The following CMTM4 variants were observed in gnomAD, a reference collection of about 807,000 sequenced individuals.
The protein encoded by CMTM4 is CKLF-like MARVEL transmembrane domain-containing protein 4.
A neutral mutation model predicts 19.0 loss-of-function variants in CMTM4; 8 were observed. The observed-to-expected ratio is 0.42, with a 90% CI of 0.25 to 0.76. The LOEUF is 0.76. Ranked by LOEUF, CMTM4 falls within the 30% of genes least tolerant of loss-of-function variation. The pLI is 0.27. For synonymous variants in CMTM4, 106 were observed against 121.1 expected (o/e 0.88, Z 0.82); for missense variants, 228 against 290.2 (o/e 0.79, Z 1.56).
chr16:66,608,460 T>C, the CMTM4 span: 4 of 1,613,736 alleles, frequency 2.5e-6, no homozygotes, highest in African/African-American at 2.7e-5. The surrounding 1 kb of genome is among the most constrained non-coding windows in gnomAD (Gnocchi z 5.1). Context: ...TGCTGGCCCA[T>C]GATGGTGAGG....
intron 1 of CMTM4, among the ~76,000 whole-genome samples, chr16:66,679,423 A>C (rs1183094495): frequency 6.6e-6 from 1 of 152,126 alleles, no homozygotes; most frequent in Non-Finnish European, 1.5e-5. Context: ...TGACTCTGAG[A>C]GATGTGACCC....
chr16:66,600,136 GTTTTTTTT>G, the CMTM4 span, among the ~76,000 whole-genome samples: 12 of 135,160 alleles, frequency 8.9e-5, no homozygotes, highest in African/African-American at 2.0e-4. Flanking sequence ...GTGTGTGTGT[GTTTTTTTT>G]TGTTTTTTTT....
rs1466468700 is a variant in CMTM4 at position 66,620,024 on chromosome 16, C to T, written c.*2034G>A. On this transcript the variant is annotated 3_prime_UTR_variant, in exon 4 of 4. Transcript: ENST00000394106. The stretch of plus-strand genomic sequence containing the variant: ...TTCACCAGATGATCAAGTGGTTTTA[C>T]TGAAGTGAGCTGGGAAAACTTGGGC... 17 of 985,354 alleles carry T rather than the reference C, an allele frequency of 1.7e-5. No homozygotes were observed. In the South Asian group the frequency reaches 3.3e-4, roughly 19 times the overall value. 61.0% of individuals were successfully genotyped at this position (985,354 alleles called of 1,614,324 possible). A position where few individuals can be genotyped will look rare whatever the true frequency, so the allele number is the denominator to read the frequency against.
chr16:66,625,977 C>T (rs2015730737), intron 2 of CMTM4, among the ~76,000 whole-genome samples: 1 of 152,222 alleles, frequency 6.6e-6, no homozygotes, highest in Non-Finnish European at 1.5e-5. Context: ...GTCAGAGCAG[C>T]TGCTATAGCA....
the CMTM4 span, among the ~76,000 whole-genome samples, chr16:66,608,923 A>G: frequency 6.6e-6 from 1 of 152,088 alleles, no homozygotes; most frequent in African/African-American, 2.4e-5. This position sits in a 1 kb window ranked among gnomAD's most constrained non-coding sequence, Gnocchi z 5.1. Flanking sequence ...TCCTAGAGAA[A>G]GGGCAGCAAA....
chr16:66,688,716 T>C (rs1724413908), intron 1 of CMTM4, among the ~76,000 whole-genome samples: 2 of 152,210 alleles, frequency 1.3e-5, no homozygotes, highest in Admixed American at 6.5e-5. Flanking sequence ...ATTAAACCTA[T>C]AGATCATTTG....
intron 1 of CMTM4, among the ~76,000 whole-genome samples, chr16:66,646,761 C>T (rs1197435667): frequency 4.7e-5 from 7 of 150,054 alleles, no homozygotes; most frequent in Non-Finnish European, 1.0e-4. Context: ...GGCTGAAGTG[C>T]AATGGTGCGA....
Position 66,622,309 on chromosome 16 carries a change from T to C in CMTM4, c.463-87A>G, listed in dbSNP as rs2015655301. ...GGTGACCCAAGCCACATGCAGCCCC[T>C]TCCTGCTCTGCCAGCTGATCATTAC... On this transcript the variant is annotated intron_variant, in intron 3 of 3. Coordinates refer to ENST00000394106, the MANE Select transcript of CMTM4 (RefSeq NM_181521.3). This position sits in a 1 kb window ranked among gnomAD's most constrained non-coding sequence, Gnocchi z 4.0. The C allele has an allele frequency of 1.4e-6, 2 of 1,433,080 alleles. No homozygotes were observed. The highest frequency in any genetic ancestry group is 1.4e-5 in the African/African-American group (1 of 71,814). 88.8% of individuals were successfully genotyped at this position (1,433,080 alleles called of 1,614,324 possible).
At position 66,690,588 on chromosome 16, in the gene CMTM4, C is replaced by T. The variant is rs190593691; in HGVS notation, c.186+5752G>A. Reference sequence around the variant, plus strand: ...ACTGGCTTGAGATTTAAAAAACTAACAAGGTTTCCACCAAATAAAAGAGAT... The same window carrying T: ...ACTGGCTTGAGATTTAAAAAACTAATAAGGTTTCCACCAAATAAAAGAGAT... On this transcript the variant is annotated intron_variant, in intron 1 of 3. Coordinates refer to ENST00000394106, the MANE Select transcript of CMTM4 (RefSeq NM_181521.3). Among the ~76,000 whole-genome samples, 447 of 152,238 alleles carry T rather than the reference C, an allele frequency of 2.9e-3. 1 individual carries two copies. Among genetic ancestry groups the T allele is most frequent in the Non-Finnish European group, 5.2e-3 (351 of 68,000 alleles).
At position 66,616,281 on chromosome 16, in the gene CMTM4, A is replaced by C. The variant is rs1417436881; in HGVS notation, c.*5777T>G. Reference sequence around the variant, plus strand: ...CCTTAAAATATACAAAGAATTGCCTACTTTGAAAAAAAAATAGTCATACTT... The same window carrying C: ...CCTTAAAATATACAAAGAATTGCCTCCTTTGAAAAAAAAATAGTCATACTT... On this transcript the variant is annotated 3_prime_UTR_variant, in exon 4 of 4. Coordinates refer to ENST00000394106, the MANE Select transcript of CMTM4 (RefSeq NM_181521.3). 1 of 152,218 alleles carries C rather than the reference A, an allele frequency of 6.6e-6. No individual in the cohort carries two copies. Among genetic ancestry groups the C allele is most frequent in the Non-Finnish European group, 1.5e-5 (1 of 68,038 alleles). 9.4% of individuals were successfully genotyped at this position (152,218 alleles called of 1,614,324 possible).
At chr16:66,609,680 A>T in the CMTM4 span, 1 of 1,538,584 alleles carries the variant, frequency 6.5e-7, no homozygotes. This position sits in a 1 kb window ranked among gnomAD's most constrained non-coding sequence, Gnocchi z 4.4. Flanking sequence ...CTCATTAAAG[A>T]CTGACTCTAC....
intron 1 of CMTM4, among the ~76,000 whole-genome samples, chr16:66,689,045 T>C (rs1467696445): frequency 6.6e-6 from 1 of 152,210 alleles, no homozygotes; most frequent in Non-Finnish European, 1.5e-5. Context: ...TTTTTATAGA[T>C]TCCCATGTGA....
In CMTM4 at chr16:66,619,752, G is replaced by A. The variant is rs1174437778; in HGVS notation, c.*2306C>T. On this transcript the variant is annotated 3_prime_UTR_variant, in exon 4 of 4. Coordinates refer to ENST00000394106, the MANE Select transcript of CMTM4 (RefSeq NM_181521.3). Reference sequence around the variant, plus strand: ...AGCACCACTTCCGGTTCTAGTGGGAGTTAATTAAATACAAGGAGAACATTT... The same window carrying A: ...AGCACCACTTCCGGTTCTAGTGGGAATTAATTAAATACAAGGAGAACATTT... 19 of 985,234 alleles carry A rather than the reference G, an allele frequency of 1.9e-5. No individual in the cohort carries two copies. Among genetic ancestry groups the A allele is most frequent in the Non-Finnish European group, 2.2e-5 (18 of 829,892 alleles). The allele number at this position is 985,234 out of a possible 1,614,324, so 61.0% of individuals were successfully genotyped here. A position where few individuals can be genotyped will look rare whatever the true frequency, so the allele number is the denominator to read the frequency against.
intron 1 of CMTM4, among the ~76,000 whole-genome samples, chr16:66,644,406 C>G (rs1469231042): frequency 6.6e-6 from 1 of 152,168 alleles, no homozygotes; most frequent in Non-Finnish European, 1.5e-5. Flanking sequence ...ACTGATCATA[C>G]TGAAGTTCAA....
chr16:66,617,546 T>C lies in CMTM4; in HGVS notation c.*4512A>G, dbSNP rs983229613. On this transcript the variant is annotated 3_prime_UTR_variant, in exon 4 of 4. Transcript: ENST00000394106. ...ATTCACTTTCGGAAGAAAATTTTTCTAGACCTAACAGATATTGACGGTATT... is the reference window on the plus strand; with the variant it reads ...ATTCACTTTCGGAAGAAAATTTTTCCAGACCTAACAGATATTGACGGTATT... The C allele has an allele frequency of 6.6e-6, 9 of 1,369,066 alleles. No homozygotes were observed. The African/African-American group carries it at 1.0e-4, about 16-fold the overall frequency. The allele number at this position is 1,369,066 out of a possible 1,614,324, so 84.8% of individuals were successfully genotyped here. A position where few individuals can be genotyped will look rare whatever the true frequency, so the allele number is the denominator to read the frequency against.
chr16:66,606,735 G>A, the CMTM4 span, among the ~76,000 whole-genome samples: 1 of 152,226 alleles, frequency 6.6e-6, no homozygotes, highest in Non-Finnish European at 1.5e-5. Flanking sequence ...GCTCATGCCT[G>A]TAATCCCAAC....
At chr16:66,649,627 A>G (rs2016274341) in intron 1 of CMTM4, among the ~76,000 whole-genome samples, 1 of 152,112 alleles carries the variant, frequency 6.6e-6, no homozygotes, top group Admixed American at 6.6e-5. Flanking sequence ...GGGAGCAGGT[A>G]TGGTCCGTCC....
Position 66,619,292 on chromosome 16 carries a change from A to G in CMTM4, c.*2766T>C, listed in dbSNP as rs771861909. On this transcript the variant is annotated 3_prime_UTR_variant, in exon 4 of 4. Transcript: ENST00000394106. Reference sequence around the variant, plus strand: ...TTTCTCTGAGGACATCAGTGTTTGCATCCATCTAAAACCACCAGAGGTTCC... The same window carrying G: ...TTTCTCTGAGGACATCAGTGTTTGCGTCCATCTAAAACCACCAGAGGTTCC... 3 of 985,490 alleles carry G rather than the reference A, an allele frequency of 3.0e-6. No individual in the cohort carries two copies. Among genetic ancestry groups the G allele is most frequent in the African/African-American group, 1.7e-5 (1 of 57,380 alleles). 61.0% of individuals were successfully genotyped at this position (985,490 alleles called of 1,614,324 possible). A position where few individuals can be genotyped will look rare whatever the true frequency, so the allele number is the denominator to read the frequency against.
chr16:66,611,953 C>G (rs771742743), downstream of CMTM4, among the ~76,000 whole-genome samples: 40 of 151,688 alleles, frequency 2.6e-4, no homozygotes, highest in Non-Finnish European at 4.7e-4. Flanking sequence ...CCTGCTGAAC[C>G]TGGGGGTGGG....
Sources: allele counts gnomAD v4.1 joint callset (sites outside exome capture counted in the v4.1 genomes callset), GRCh38; gene constraint gnomAD v4.1.1; non-coding constraint Gnocchi (gnomAD v3.1); transcripts MANE v1.5; gene names NCBI Gene and HGNC (gene_info 2026-07-23, HGNC 2026-07-21).